Variants in PPP1R13B observed in about 807,000 individuals in gnomAD.
PPP1R13B encodes protein phosphatase 1 regulatory subunit 13B.
PPP1R13B carries 44 observed loss-of-function variants against 119.8 expected under a neutral mutation model. The observed-to-expected ratio is 0.37, with a 90% CI of 0.29 to 0.47. The LOEUF (loss-of-function observed/expected upper bound fraction) is 0.47, where lower values mean the gene tolerates loss of function less well. Ranked by LOEUF, PPP1R13B falls within the 20% of genes least tolerant of loss-of-function variation. The pLI, the probability that PPP1R13B is intolerant of heterozygous loss-of-function variation, is 0.99. For missense variants in PPP1R13B, 1,227 were observed against 1,413.5 expected, an observed-to-expected ratio of 0.87 and a Z score of 2.12; for synonymous variants, 542 against 561.5, an observed-to-expected ratio of 0.97 and a Z score of 0.49.
At position 103,738,989 on chromosome 14, in the gene PPP1R13B, T is replaced by C. The variant is rs1481751207; in HGVS notation, c.2627A>G (p.Glu876Gly). ...GACTCTCAGCCCGTGCCCCGTCCGC[T>C]CCGAGTTGGGCTTCTTCAAGTTGGT... is the stretch of plus-strand genomic sequence containing the variant. ...KRTNLKKPNS[E>G]RTGHGLRVRF... is the part of the protein sequence containing the mutation. Residue 876 changes from glutamate (E) to glycine (G), a missense_variant, in exon 13 of 17, where the codon GAG (glutamate) becomes GGG (glycine). Coordinates refer to ENST00000202556, the MANE Select transcript of PPP1R13B (RefSeq NM_015316.3). This position sits in a 1 kb window ranked among gnomAD's most constrained non-coding sequence, Gnocchi z 5.6. 1.1e-5 allele frequency: 18 copies of C among 1,614,000 alleles called. No homozygotes were observed. Among genetic ancestry groups the C allele is most frequent in the Non-Finnish European group, 1.5e-5 (18 of 1,179,958 alleles).
rs763305387 is a variant in PPP1R13B at position 103,741,868 on chromosome 14, T to C, written c.1744A>G (p.Met582Val). The C allele has an allele frequency of 3.1e-6, 5 of 1,614,066 alleles. No homozygotes were observed. In the Admixed American group the frequency reaches 6.7e-5, roughly 22 times the overall value. ...GGTGGTGTGGCTTGCTGGAGGTACA[T>C]GGAGTATATGGAACTTGAATTCACT... ...QTVNSSSIYSMYLQQATPPKN... is the reference protein window; with the variant it reads ...QTVNSSSIYSVYLQQATPPKN... The change falls in exon 11 of 17, where the codon ATG becomes GTG. Residue 582 changes from methionine to valine, a missense_variant. Met to Val is a conservative substitution (Grantham distance 21). Coordinates refer to ENST00000202556, the MANE Select transcript of PPP1R13B (RefSeq NM_015316.3).
chr14:103,837,992 ACCTGTAGTC>A (rs2152084372), intron 1 of PPP1R13B, among the ~76,000 whole-genome samples: 1 of 152,154 alleles, frequency 6.6e-6, no homozygotes, highest in East Asian at 1.9e-4. Context: ...GGTGGCGCAC[ACCTGTAGTC>A]CCAGCTCCTC....
At chr14:103,785,738 T>TTGGCCTCC (rs1437643277) in intron 2 of PPP1R13B, among the ~76,000 whole-genome samples, 1 of 151,824 alleles carries the variant, frequency 6.6e-6, no homozygotes, top group Non-Finnish European at 1.5e-5. Flanking sequence ...TCTTGGCCTC[T>TTGGCCTCC]TGGCCTCCTG....
chr14:103,753,291 T>C, intron 6 of PPP1R13B, 95 bp from the exon 7 acceptor site: 1 of 1,268,102 alleles, frequency 7.9e-7, no homozygotes, highest in Non-Finnish European at 1.1e-6. Flanking sequence ...TATCATTTAG[T>C]GCCAGACCGT....
intron 1 of PPP1R13B, chr14:103,847,084 C>T (rs1396149221): frequency 1.0e-6 from 1 of 994,070 alleles, no homozygotes; most frequent in Non-Finnish European, 1.2e-6. Flanking sequence ...GCAGGAAGGG[C>T]CCGCAGGCGG....
At chr14:103,821,767 T>A (rs1293192949) in intron 1 of PPP1R13B, among the ~76,000 whole-genome samples, 9 of 150,822 alleles carry the variant, frequency 6.0e-5, no homozygotes, top group Non-Finnish European at 1.2e-4. Context: ...AATAAATAAA[T>A]AAAATAAATA....
At chr14:103,815,585 G>C (rs1265028957) in intron 1 of PPP1R13B, among the ~76,000 whole-genome samples, 1 of 151,722 alleles carries the variant, frequency 6.6e-6, no homozygotes, top group Non-Finnish European at 1.5e-5. Flanking sequence ...GTGAAACGCT[G>C]TCTCTACTAA....
At chr14:103,800,274 C>T (rs1398966025) in intron 1 of PPP1R13B, among the ~76,000 whole-genome samples, 1 of 152,262 alleles carries the variant, frequency 6.6e-6, no homozygotes, top group African/African-American at 2.4e-5. Context: ...CTTACAATCA[C>T]GCCACTGCAC....
intron 5 of PPP1R13B, among the ~76,000 whole-genome samples, chr14:103,756,487 C>G (rs140415500): frequency 1.4e-4 from 21 of 152,286 alleles, no homozygotes; most frequent in African/African-American, 4.6e-4. Flanking sequence ...TAAACCATTA[C>G]TTAGAAAGAT....
chr14:103,833,733 C>T (rs2086710177), intron 1 of PPP1R13B, among the ~76,000 whole-genome samples: 1 of 152,170 alleles, frequency 6.6e-6, no homozygotes, highest in Admixed American at 6.6e-5. Context: ...AAACCCCACT[C>T]AAATGTTGCC....
Position 103,740,617 on chromosome 14 carries a change from C to T in PPP1R13B, c.1823-24G>A, listed in dbSNP as rs375483098. The T allele has an allele frequency of 2.4e-5, 35 of 1,484,562 alleles. No homozygotes were observed. In the African/African-American group the frequency reaches 4.1e-4, roughly 17 times the overall value. The allele number at this position is 1,484,562 out of a possible 1,614,324, so 92.0% of individuals were successfully genotyped here. ...CACTGGGGAAGACACAAAGGACAGGCAATTTTGACCTCACTACAGAGATCT... is the reference window on the plus strand; with the variant it reads ...CACTGGGGAAGACACAAAGGACAGGTAATTTTGACCTCACTACAGAGATCT... On this transcript the variant is annotated intron_variant, in intron 11 of 16. Transcript: ENST00000202556. This position sits in a 1 kb window ranked among gnomAD's most constrained non-coding sequence, Gnocchi z 4.6.
At chr14:103,762,711 G>C (rs923299794) in intron 4 of PPP1R13B, 15 of 630,556 alleles carry the variant, frequency 2.4e-5, no homozygotes, top group Non-Finnish European at 3.5e-5. Flanking sequence ...TCAGTCCCTG[G>C]GTGTCGGCGG....
upstream of PPP1R13B, chr14:103,847,710 T>C (rs539679142): frequency 5.5e-3 from 4,383 of 794,490 alleles, 141 homozygotes; most frequent in African/African-American, 0.076. Flanking sequence ...GCTTCCCGGC[T>C]CCGCCCGCTA....
At chr14:103,811,166 G>A (rs1469845988) in intron 1 of PPP1R13B, among the ~76,000 whole-genome samples, 9 of 148,602 alleles carry the variant, frequency 6.1e-5, no homozygotes, top group South Asian at 2.2e-4. Flanking sequence ...TACTAATGTT[G>A]ATCACGTGAA....
chr14:103,792,128 G>T (rs1478830691), intron 2 of PPP1R13B, among the ~76,000 whole-genome samples: 1 of 151,244 alleles, frequency 6.6e-6, no homozygotes, highest in African/African-American at 2.4e-5. Flanking sequence ...TTTGTCTTAA[G>T]CCAGTTATTT....
intron 9 of PPP1R13B, among the ~76,000 whole-genome samples, chr14:103,744,418 G>T (rs918097672): frequency 2.0e-5 from 3 of 152,210 alleles, no homozygotes; most frequent in Non-Finnish European, 2.9e-5. Flanking sequence ...TTCTAAGGAT[G>T]GGAGGGTACA....
chr14:103,778,710 A>G (rs766598918), intron 4 of PPP1R13B, 35 bp downstream of exon 4: 1 of 1,574,776 alleles, frequency 6.4e-7, no homozygotes, highest in Admixed American at 1.7e-5. Context: ...CTAGCCATCA[A>G]TTTTTAAAAT....
chr14:103,810,654 C>G (rs988329824), intron 1 of PPP1R13B, among the ~76,000 whole-genome samples: 4 of 151,956 alleles, frequency 2.6e-5, no homozygotes, highest in Non-Finnish European at 5.9e-5. Context: ...CGCCTGTAGT[C>G]CCAGCTACTC....
At chr14:103,789,398 T>A (rs1405777556) in intron 2 of PPP1R13B, among the ~76,000 whole-genome samples, 1 of 151,698 alleles carries the variant, frequency 6.6e-6, no homozygotes, top group Non-Finnish European at 1.5e-5. Flanking sequence ...TTGTATTTAG[T>A]AGAGATGGGG....
Sources: gnomAD v4.1 joint callset for allele counts (sites outside exome capture counted in the v4.1 genomes callset) on GRCh38, gnomAD v4.1.1 for gene constraint, Gnocchi (gnomAD v3.1) non-coding constraint, MANE v1.5 for transcripts, NCBI Gene and HGNC (gene_info 2026-07-23, HGNC 2026-07-21) for gene names.